PRKG1: variants seen among roughly 807,000 people sequenced by gnomAD.
The protein encoded by PRKG1 is protein kinase cGMP-dependent 1, also known as cGMP-dependent protein kinase 1.
Under a neutral mutation model 88.1 loss-of-function variants are expected in PRKG1, and 35 were observed. The ratio of observed to expected loss-of-function variants is 0.40; its 90% CI spans 0.30 to 0.53. The LOEUF is 0.53. Ranked by LOEUF, PRKG1 falls within the 20% of genes least tolerant of loss-of-function variation. The pLI, the probability that PRKG1 is intolerant of heterozygous loss-of-function variation, is 0.59. For missense variants in PRKG1, 540 were observed against 839.8 expected (o/e 0.64, Z 4.41); for synonymous variants, 303 against 292.5 (o/e 1.04, Z -0.37).
intron 3 of PRKG1, among the ~76,000 whole-genome samples, chr10:51,478,744 G>GAAAA (rs35148190): frequency 6.7e-6 from 1 of 149,208 alleles, no homozygotes; most frequent in East Asian, 2.0e-4. Context: ...GTGAGATACT[G>GAAAA]AAAAAAAAAA....
intron 1 of PRKG1, among the ~76,000 whole-genome samples, chr10:51,151,908 C>T (rs1298508845): frequency 5.3e-5 from 8 of 151,880 alleles, no homozygotes; most frequent in South Asian, 2.1e-4. Context: ...TGTTCACTAC[C>T]GCAGGTCACT....
intron 10 of PRKG1, chr10:52,252,823 G>A (rs776334280): frequency 1.3e-5 from 2 of 150,192 alleles, no homozygotes; most frequent in Admixed American, 6.6e-5. Flanking sequence ...TTGACAATAT[G>A]AGTATTTTCA....
chr10:51,627,401 T>A (rs1040473125), intron 3 of PRKG1, among the ~76,000 whole-genome samples: 1 of 152,164 alleles, frequency 6.6e-6, no homozygotes, highest in East Asian at 1.9e-4. Context: ...ATATAATACA[T>A]GCTTCAGGTT....
chr10:52,158,798 A>C (rs557964160), intron 8 of PRKG1, among the ~76,000 whole-genome samples: 1 of 151,588 alleles, frequency 6.6e-6, no homozygotes, highest in Non-Finnish European at 1.5e-5. Context: ...CCAAATGCCA[A>C]GATTATAGTT....
intron 5 of PRKG1, among the ~76,000 whole-genome samples, chr10:51,913,526 A>G (rs4595495): frequency 0.38 from 58,055 of 152,012 alleles, 11,550 homozygotes; most frequent in Non-Finnish European, 0.42. Context: ...TCCTTTGTAT[A>G]GTGAATCACT....
At chr10:51,369,562 G>A (rs1003560085) in intron 2 of PRKG1, among the ~76,000 whole-genome samples, 2 of 152,100 alleles carry the variant, frequency 1.3e-5, no homozygotes, top group African/African-American at 4.8e-5. Flanking sequence ...CTGACAGAGG[G>A]GCTGTAGGGT....
At chr10:51,297,350 T>G (rs1442338847) in intron 2 of PRKG1, among the ~76,000 whole-genome samples, 1 of 152,090 alleles carries the variant, frequency 6.6e-6, no homozygotes, top group African/African-American at 2.4e-5. Flanking sequence ...TAGAAAAACT[T>G]TACTATCTGG....
chr10:51,493,056 G>T (rs1926211), intron 3 of PRKG1, among the ~76,000 whole-genome samples: 22,902 of 151,938 alleles, frequency 0.15, 2,207 homozygotes, highest in Non-Finnish European at 0.22. Flanking sequence ...CATTTACCTA[G>T]TAGTAGAAGA....
chr10:51,158,742 T>G (rs1170955393), intron 2 of PRKG1, among the ~76,000 whole-genome samples: 1 of 152,214 alleles, frequency 6.6e-6, no homozygotes, highest in Non-Finnish European at 1.5e-5. Flanking sequence ...AATTCCACCA[T>G]GTACCTTGGA....
At chr10:51,218,477 G>A (rs1333564433) in intron 2 of PRKG1, among the ~76,000 whole-genome samples, 2 of 100,772 alleles carry the variant, frequency 2.0e-5, no homozygotes, top group African/African-American at 7.8e-5. Flanking sequence ...TTTCATTATA[G>A]TTCATCTATC....
intron 2 of PRKG1, among the ~76,000 whole-genome samples, chr10:51,230,154 G>T (rs1838804548): frequency 6.6e-6 from 1 of 152,042 alleles, no homozygotes; most frequent in South Asian, 2.1e-4. Flanking sequence ...TTATTCAGTG[G>T]CCACTAAAGA....
intron 2 of PRKG1, among the ~76,000 whole-genome samples, chr10:51,184,271 T>C (rs1837424967): frequency 6.6e-6 from 1 of 152,224 alleles, no homozygotes; most frequent in Non-Finnish European, 1.5e-5. Context: ...CTAGACTTTT[T>C]CCATAAGGAA....
At chr10:51,947,388 A>G (rs1843070162) in intron 5 of PRKG1, among the ~76,000 whole-genome samples, 1 of 152,098 alleles carries the variant, frequency 6.6e-6, no homozygotes, top group Non-Finnish European at 1.5e-5. Flanking sequence ...TGACTAGGAA[A>G]GGGAACTGCC....
intron 3 of PRKG1, chr10:51,698,181 C>T: frequency 6.2e-7 from 1 of 1,614,138 alleles, no homozygotes; most frequent in Non-Finnish European, 8.5e-7. Flanking sequence ...ATCTCCAATC[C>T]TCTTGCATCC....
intron 4 of PRKG1, among the ~76,000 whole-genome samples, chr10:51,873,721 G>T (rs1314364086): frequency 6.6e-6 from 1 of 151,904 alleles, no homozygotes; most frequent in Non-Finnish European, 1.5e-5. Flanking sequence ...TAGAGAACGG[G>T]TTTCGCCATG....
intron 5 of PRKG1, among the ~76,000 whole-genome samples, chr10:51,948,550 G>A (rs1042135797): frequency 1.1e-4 from 6 of 54,406 alleles, no homozygotes; most frequent in Non-Finnish European, 1.9e-4. Flanking sequence ...GTGTGTGTGC[G>A]TGTGTGTGTG....
chr10:51,754,415 C>T (rs763015970), intron 3 of PRKG1, among the ~76,000 whole-genome samples: 4 of 152,176 alleles, frequency 2.6e-5, no homozygotes, highest in Non-Finnish European at 4.4e-5. Context: ...TCAATTACTT[C>T]CCTCTTTAGT....
intron 5 of PRKG1, among the ~76,000 whole-genome samples, chr10:52,038,805 G>A (rs895159342): frequency 1.1e-4 from 16 of 152,244 alleles, no homozygotes; most frequent in East Asian, 7.7e-4. Flanking sequence ...GACCAGCGCC[G>A]GAGTTTTGGG....
At chr10:51,587,568 C>T (rs1838204265) in intron 3 of PRKG1, among the ~76,000 whole-genome samples, 1 of 152,160 alleles carries the variant, frequency 6.6e-6, no homozygotes. Flanking sequence ...AAAAATTAAG[C>T]ACAATATTTG....
Sources: allele counts gnomAD v4.1 joint callset (sites outside exome capture counted in the v4.1 genomes callset), GRCh38; gene constraint gnomAD v4.1.1; transcripts MANE v1.5; gene names NCBI Gene and HGNC (gene_info 2026-07-23, HGNC 2026-07-21).